The following SCFD2 variants were observed in gnomAD, a reference collection of about 807,000 sequenced individuals.
SCFD2 encodes the protein sec1 family domain-containing protein 2.
SCFD2 carries 54 observed loss-of-function variants against 58.9 expected under a neutral mutation model. The observed-to-expected ratio is 0.92, with a 90% confidence interval of 0.74 to 1.15. SCFD2 has a LOEUF of 1.15. Among genes scored for constraint, SCFD2 ranks in the 50% most tolerant of loss-of-function variants. The probability of loss-of-function intolerance (pLI) is 0.00; values close to 1 mark genes in which losing one functional copy is unlikely to be tolerated. For synonymous variants in SCFD2, 321 were observed against 335.9 expected (o/e 0.96, Z 0.49); for missense variants, 805 against 836.6 (o/e 0.96, Z 0.47).
chr4:53,200,442 T>C (rs1728194014), intron 4 of SCFD2, among the ~76,000 whole-genome samples: 1 of 152,052 alleles, frequency 6.6e-6, no homozygotes, highest in Admixed American at 6.6e-5. Flanking sequence ...ACTATTAAAG[T>C]AGATTTCAAA....
chr4:53,353,048 G>A (rs1734278473), intron 1 of SCFD2, among the ~76,000 whole-genome samples: 1 of 152,268 alleles, frequency 6.6e-6, no homozygotes, highest in Middle Eastern at 3.4e-3. Context: ...GTGAGTTCTT[G>A]GTCTTGCTGA....
intron 2 of SCFD2, among the ~76,000 whole-genome samples, chr4:53,335,618 G>A (rs1291469529): frequency 6.6e-6 from 1 of 152,056 alleles, no homozygotes; most frequent in African/African-American, 2.4e-5. Flanking sequence ...TGGGAGTGAT[G>A]GGCATCATGT....
At chr4:53,134,014 A>G (rs925092370) in intron 5 of SCFD2, among the ~76,000 whole-genome samples, 1 of 152,260 alleles carries the variant, frequency 6.6e-6, no homozygotes, top group Non-Finnish European at 1.5e-5. Flanking sequence ...AAAAAAGAAG[A>G]AAATTCTGTA....
chr4:53,283,940 AC>A (rs1158104089), intron 3 of SCFD2, among the ~76,000 whole-genome samples: 2 of 151,048 alleles, frequency 1.3e-5, no homozygotes, highest in Admixed American at 6.6e-5. Context: ...ACACAGTGAA[AC>A]CCCCGTCTCT....
At chr4:52,879,843 A>G (rs1351374697) in intron 8 of SCFD2, among the ~76,000 whole-genome samples, 2 of 152,242 alleles carry the variant, frequency 1.3e-5, no homozygotes, top group Non-Finnish European at 2.9e-5. Flanking sequence ...TCTAACACTC[A>G]GTATCAAAAG....
Position 53,332,251 on chromosome 4 carries a change from G to A in SCFD2, c.1008-18488C>T, listed in dbSNP as rs535401905. On this transcript the variant is annotated intron_variant, in intron 2 of 8. Coordinates refer to ENST00000401642, the MANE Select transcript of SCFD2 (RefSeq NM_152540.4). Reference sequence around the variant, plus strand: ...AATCCTCCCTAACTCATTTTATGAGGCCAGCATCATTCTGATACCAAAGCC... The same window carrying A: ...AATCCTCCCTAACTCATTTTATGAGACCAGCATCATTCTGATACCAAAGCC... 2.4e-3 allele frequency among the ~76,000 whole-genome samples: 363 copies of A among 151,234 alleles called. 2 individuals carry two copies. The highest frequency in any genetic ancestry group is 8.6e-3 in the African/African-American group (353 of 41,090).
chr4:53,101,278 T>A (rs992598555), intron 5 of SCFD2, among the ~76,000 whole-genome samples: 2 of 152,118 alleles, frequency 1.3e-5, no homozygotes, highest in Non-Finnish European at 2.9e-5. Flanking sequence ...GCTAAGGAGA[T>A]TGGGGCTTCT....
intron 5 of SCFD2, among the ~76,000 whole-genome samples, chr4:52,960,791 T>G (rs1577861824): frequency 6.6e-6 from 1 of 151,902 alleles, no homozygotes; most frequent in Non-Finnish European, 1.5e-5. Context: ...CAACAAAAAT[T>G]TATTATACAT....
chr4:53,326,669 G>T (rs1392399203), intron 2 of SCFD2, among the ~76,000 whole-genome samples: 1 of 152,104 alleles, frequency 6.6e-6, no homozygotes, highest in Non-Finnish European at 1.5e-5. Flanking sequence ...ATTCCTAGAA[G>T]ATATGCAGTC....
At chr4:52,979,565 A>G (rs1042492176) in intron 5 of SCFD2, among the ~76,000 whole-genome samples, 2 of 152,096 alleles carry the variant, frequency 1.3e-5, no homozygotes, top group African/African-American at 4.8e-5. Context: ...ATAACACAAA[A>G]TCAACATAGG....
intron 5 of SCFD2, among the ~76,000 whole-genome samples, chr4:53,000,558 G>A (rs1450485967): frequency 1.3e-5 from 2 of 152,198 alleles, no homozygotes; most frequent in Non-Finnish European, 2.9e-5. Flanking sequence ...TGTGTACAGA[G>A]GAGCCAGGGG....
At chr4:53,282,590 A>G (rs982188421) in intron 3 of SCFD2, among the ~76,000 whole-genome samples, 2 of 152,174 alleles carry the variant, frequency 1.3e-5, no homozygotes, top group Non-Finnish European at 2.9e-5. Flanking sequence ...TATAATTTCA[A>G]AACATTTTTA....
chr4:53,121,340 C>A (rs1725472132), intron 5 of SCFD2, among the ~76,000 whole-genome samples: 1 of 152,198 alleles, frequency 6.6e-6, no homozygotes, highest in Non-Finnish European at 1.5e-5. Flanking sequence ...TCAACTCCCA[C>A]CAGTTCCTAC....
At chr4:53,279,674 G>A (rs1275475531) in intron 3 of SCFD2, among the ~76,000 whole-genome samples, 1 of 152,180 alleles carries the variant, frequency 6.6e-6, no homozygotes, top group African/African-American at 2.4e-5. Context: ...TTCTCACACT[G>A]TTATATAAAG....
At chr4:53,188,548 C>G (rs1419198118) in intron 4 of SCFD2, among the ~76,000 whole-genome samples, 1 of 151,738 alleles carries the variant, frequency 6.6e-6, no homozygotes. Flanking sequence ...ATATTTAGCC[C>G]CATCCTCCCT....
At chr4:53,350,411 G>C (rs989552178) in intron 2 of SCFD2, among the ~76,000 whole-genome samples, 1 of 152,150 alleles carries the variant, frequency 6.6e-6, no homozygotes, top group African/African-American at 2.4e-5. Flanking sequence ...GGTTTTTCCT[G>C]AGCCTCTGCT....
intron 7 of SCFD2, among the ~76,000 whole-genome samples, chr4:52,887,896 C>CTTTTTTTTTTTT (rs71195133): frequency 2.4e-5 from 2 of 81,668 alleles, no homozygotes; most frequent in African/African-American, 5.0e-5. Flanking sequence ...ACATCTTATT[C>CTTTTTTTTTTTT]TTTTTTTTTT....
chr4:53,078,372 T>C (rs903566506), intron 5 of SCFD2, among the ~76,000 whole-genome samples: 3 of 152,198 alleles, frequency 2.0e-5, no homozygotes, highest in Non-Finnish European at 4.4e-5. Flanking sequence ...TCCATTTTAG[T>C]TCTAAAAATG....
chr4:52,909,685 A>G (rs1325716102), intron 6 of SCFD2, among the ~76,000 whole-genome samples: 1 of 152,204 alleles, frequency 6.6e-6, no homozygotes, highest in Non-Finnish European at 1.5e-5. Context: ...ATTGTTAAAA[A>G]TTAATAAATT....
Sources: gnomAD v4.1 joint callset for allele counts (sites outside exome capture counted in the v4.1 genomes callset) on GRCh38, gnomAD v4.1.1 for gene constraint, MANE v1.5 for transcripts, NCBI Gene and HGNC (gene_info 2026-07-23, HGNC 2026-07-21) for gene names.